SEC22B: variants seen among roughly 807,000 people sequenced by gnomAD.
SEC22B encodes SEC22 homolog B, vesicle trafficking protein, also known as vesicle-trafficking protein SEC22b.
Under a neutral mutation model 31.4 loss-of-function variants are expected in SEC22B, and 10 were observed. The observed-to-expected ratio is 0.32, with a 90% CI of 0.20 to 0.54. The LOEUF (loss-of-function observed/expected upper bound fraction) is 0.54, where lower values mean the gene tolerates loss of function less well. Ranked by LOEUF, SEC22B falls within the 20% of genes least tolerant of loss-of-function variation. The probability of loss-of-function intolerance (pLI) is 0.94; values close to 1 mark genes in which losing one functional copy is unlikely to be tolerated. For missense variants in SEC22B, 130 were observed against 263.4 expected (o/e 0.49, Z 3.50); for synonymous variants, 60 against 95.9 (o/e 0.63, Z 2.19).
intron 4 of SEC22B, among the ~76,000 whole-genome samples, chr1:120,160,112 CAA>C (rs1277404575): frequency 1.3e-5 from 2 of 148,186 alleles, no homozygotes; most frequent in African/African-American, 5.2e-5. Context: ...TTAATTTATA[CAA>C]GTTATATAAT....
chr1:120,157,331 A>G (rs1657642826), intron 4 of SEC22B, 139 bp from the exon 5 acceptor site: 1 of 573,922 alleles, frequency 1.7e-6, no homozygotes, highest in South Asian at 4.9e-5. Context: ...CTAACATTGC[A>G]TATACTAATT....
At chr1:120,168,727 A>G in intron 2 of SEC22B, 113 bp downstream of exon 2, 1 of 360,890 alleles carries the variant, frequency 2.8e-6, no homozygotes, top group Non-Finnish European at 4.7e-6. Context: ...TGCTCCTCCC[A>G]AAAGACAACA....
chr1:120,162,628 T>A (rs1234261895), intron 3 of SEC22B, among the ~76,000 whole-genome samples: 8 of 152,112 alleles, frequency 5.3e-5, no homozygotes, highest in African/African-American at 1.4e-4. Flanking sequence ...CAGGTCTGAT[T>A]AGTAATTAGT....
chr1:120,163,580 T>C (rs1657754006), intron 2 of SEC22B, among the ~76,000 whole-genome samples: 1 of 133,760 alleles, frequency 7.5e-6, no homozygotes, highest in East Asian at 2.0e-4. Flanking sequence ...TCTTTTTTTT[T>C]TCTTTTTTTT....
At chr1:120,167,392 T>C (rs1428924469) in intron 2 of SEC22B, among the ~76,000 whole-genome samples, 10 of 151,724 alleles carry the variant, frequency 6.6e-5, no homozygotes, top group Non-Finnish European at 1.3e-4. Context: ...TCTGCTTATA[T>C]TGTTTTTTCT....
At chr1:120,157,397 G>A (rs1349681181) in intron 4 of SEC22B, 6 of 364,502 alleles carry the variant, frequency 1.6e-5, no homozygotes, top group Non-Finnish European at 2.9e-5. Flanking sequence ...TAGTAAGGTG[G>A]TTAGAAGTGC....
At chr1:120,159,923 C>T (rs1467358647) in intron 4 of SEC22B, among the ~76,000 whole-genome samples, 21 of 149,480 alleles carry the variant, frequency 1.4e-4, no homozygotes, top group African/African-American at 2.3e-4. Flanking sequence ...GGCTGACTGA[C>T]GGAAAAATAA....
At chr1:120,171,742 A>G (rs1657899312) in intron 1 of SEC22B, among the ~76,000 whole-genome samples, 1 of 128,504 alleles carries the variant, frequency 7.8e-6, no homozygotes, top group South Asian at 2.5e-4. Flanking sequence ...ACATATGTTT[A>G]AGGTCATCCA....
In SEC22B at chr1:120,155,636, G is replaced by C. The variant is rs1275413167; in HGVS notation, c.*1402C>G. On this transcript the variant is annotated 3_prime_UTR_variant, in exon 5 of 5. Transcript: ENST00000578049. ...AATTGCTTACTGGTTAAAGTTTTTT[G>C]CCAAAGATATTAAGAAATAAAAAGT... The C allele has an allele frequency of 6.7e-6, 1 of 150,124 alleles. No individual in the cohort carries two copies. The highest frequency in any genetic ancestry group is 1.5e-5 in the Non-Finnish European group (1 of 67,290). The allele number at this position is 150,124 out of a possible 1,614,324, so 9.3% of individuals were successfully genotyped here. A position where few individuals can be genotyped will look rare whatever the true frequency, so the allele number is the denominator to read the frequency against.
chr1:120,163,941 T>TTCTCTC (rs1327025609), intron 2 of SEC22B, among the ~76,000 whole-genome samples: 3 of 126,896 alleles, frequency 2.4e-5, no homozygotes, highest in Admixed American at 7.6e-5. Flanking sequence ...ATCCATTAGA[T>TTCTCTC]TCTCTTTTTT....
chr1:120,160,627 C>T (rs1422853918), intron 3 of SEC22B, 97 bp from the exon 4 acceptor site: 53 of 1,001,384 alleles, frequency 5.3e-5, no homozygotes, highest in Admixed American at 1.2e-4. Flanking sequence ...CGGTGGCTCA[C>T]ACCTGTAATC....
intron 1 of SEC22B, among the ~76,000 whole-genome samples, chr1:120,172,947 C>T (rs1253157020): frequency 6.7e-6 from 1 of 149,540 alleles, no homozygotes; most frequent in East Asian, 2.0e-4. Context: ...CACACAACCA[C>T]AATACTTTTC....
rs1313107847 is a variant in SEC22B, at chr1:120,176,444, C to A, written c.-63G>T. 7 of 1,441,774 alleles carry A rather than the reference C, an allele frequency of 4.9e-6. 1 individual carries two copies. The highest frequency in any genetic ancestry group is 1.8e-5 in the Admixed American group (1 of 56,562). 89.3% of individuals were successfully genotyped at this position (1,441,774 alleles called of 1,614,324 possible). A position where few individuals can be genotyped will look rare whatever the true frequency, so the allele number is the denominator to read the frequency against. On this transcript the variant is annotated 5_prime_UTR_variant, in exon 1 of 5. Transcript: ENST00000578049. ...GCCCTTGGCGCCGTCCTCACTTCCT[C>A]CGCCGCGACAACAGTTATACCCTAT...
At position 120,156,138 on chromosome 1, in the gene SEC22B, C is replaced by T. The variant is rs1369861007; in HGVS notation, c.*900G>A. On this transcript the variant is annotated 3_prime_UTR_variant, in exon 5 of 5. Transcript: ENST00000578049. ...CAAATTGTGGCAAGAGGAAAACAAA[C>T]AGTGGAGAAAACTGTGGTAGAGAAA... 6.6e-6 allele frequency: 1 copy of T among 151,960 alleles called. No homozygotes were observed. Among genetic ancestry groups the T allele is most frequent in the Non-Finnish European group, 1.5e-5 (1 of 67,964 alleles). The allele number at this position is 151,960 out of a possible 1,614,324, so 9.4% of individuals were successfully genotyped here.
rs1553228869 is a variant in SEC22B, at chr1:120,152,416, AG to A, written c.*4621del. ...TAACTCATATGTCAAAACAACATCT[AG>A]AGAAACAAAAAATGAAAGTAAAATG... On this transcript the variant is annotated 3_prime_UTR_variant, in exon 5 of 5. Coordinates refer to ENST00000578049, the MANE Select transcript of SEC22B (RefSeq NM_004892.6). 1 of 149,878 alleles carries A rather than the reference AG, an allele frequency of 6.7e-6. No homozygotes were observed. Among genetic ancestry groups the A allele is most frequent in the Non-Finnish European group, 1.5e-5 (1 of 67,682 alleles). 9.3% of individuals were successfully genotyped at this position (149,878 alleles called of 1,614,324 possible). A position where few individuals can be genotyped will look rare whatever the true frequency, so the allele number is the denominator to read the frequency against.
intron 1 of SEC22B, 105 bp downstream of exon 1, chr1:120,176,202 C>T (rs1371457550): frequency 6.8e-6 from 7 of 1,035,794 alleles, no homozygotes; most frequent in Non-Finnish European, 1.0e-5. Flanking sequence ...GTCGGGAGTG[C>T]CCGGGAAGTC....
At chr1:120,159,265 T>G (rs1353422689) in intron 4 of SEC22B, 1 of 150,946 alleles carries the variant, frequency 6.6e-6, no homozygotes, top group African/African-American at 2.4e-5. Flanking sequence ...CCATCTCTAC[T>G]AAGAAAATAC....
intron 3 of SEC22B, among the ~76,000 whole-genome samples, chr1:120,161,966 A>T (rs1262656824): frequency 0.029 from 3,900 of 132,478 alleles, 413 homozygotes; most frequent in East Asian, 0.093. Flanking sequence ...TCAGGCAATG[A>T]AGAAGCCCCA....
chr1:120,176,275 T>C, intron 1 of SEC22B, 32 bp downstream of exon 1: 3 of 1,599,196 alleles, frequency 1.9e-6, no homozygotes, highest in Non-Finnish European at 8.5e-7. Context: ...TGACAGAGAC[T>C]TGGGGTCGCG....
Sources: gnomAD v4.1 joint callset for allele counts (sites outside exome capture counted in the v4.1 genomes callset) on GRCh38, gnomAD v4.1.1 for gene constraint, MANE v1.5 for transcripts, NCBI Gene and HGNC (gene_info 2026-07-23, HGNC 2026-07-21) for gene names.